The following ZNF804B variants were observed in gnomAD, a reference collection of about 807,000 sequenced individuals.
ZNF804B encodes the protein zinc finger 804B.
ZNF804B carries 80 observed loss-of-function variants against 101.4 expected under a neutral mutation model. The observed-to-expected ratio is 0.79, with a 90% CI of 0.66 to 0.95. The LOEUF (loss-of-function observed/expected upper bound fraction) is 0.95. ZNF804B is among the 40% of genes least tolerant of loss of function. The pLI is 0.00. For missense variants in ZNF804B, 1,673 were observed against 1,561.9 expected, an observed-to-expected ratio of 1.07 and a Z score of -1.20; for synonymous variants, 622 against 558.8, an observed-to-expected ratio of 1.11 and a Z score of -1.59.
Position 88,888,562 on chromosome 7 carries a change from C to T in ZNF804B, c.108+128478C>T, listed in dbSNP as rs573306142. ...ATGCCAGAAACTGTAGAGCAATTAA[C>T]ACACCTGAAACATTTTATCACAAGT... On this transcript the variant is annotated intron_variant, in intron 1 of 3. Coordinates refer to ENST00000333190, the MANE Select transcript of ZNF804B (RefSeq NM_181646.5). Among the ~76,000 whole-genome samples the T allele has an allele frequency of 4.6e-5, 7 of 152,006 alleles. No homozygotes were observed. In the East Asian group the frequency reaches 1.4e-3, roughly 29 times the overall value.
intron 2 of ZNF804B, among the ~76,000 whole-genome samples, chr7:89,239,724 G>T (rs944933506): frequency 1.3e-5 from 2 of 151,828 alleles, no homozygotes; most frequent in Admixed American, 6.6e-5. Context: ...TACATTGAGT[G>T]GGGAATAGAA....
intron 2 of ZNF804B, among the ~76,000 whole-genome samples, chr7:89,317,686 G>A (rs1790753179): frequency 6.6e-6 from 1 of 152,188 alleles, no homozygotes; most frequent in South Asian, 2.1e-4. Context: ...TTAGAAAGCT[G>A]CTGAAGAGGT....
chr7:89,269,796 G>C (rs1319371729), intron 2 of ZNF804B, among the ~76,000 whole-genome samples: 1 of 152,148 alleles, frequency 6.6e-6, no homozygotes, highest in Non-Finnish European at 1.5e-5. Flanking sequence ...GTTTTGATTT[G>C]CATTTCTCTG....
intron 1 of ZNF804B, among the ~76,000 whole-genome samples, chr7:88,897,556 T>C (rs1792308997): frequency 6.6e-6 from 1 of 152,126 alleles, no homozygotes; most frequent in Non-Finnish European, 1.5e-5. Context: ...TACCCTACAA[T>C]AGGAAACTAA....
intron 1 of ZNF804B, among the ~76,000 whole-genome samples, chr7:89,216,701 T>C (rs1788902242): frequency 6.6e-6 from 1 of 152,206 alleles, no homozygotes; most frequent in Non-Finnish European, 1.5e-5. Flanking sequence ...ATCATTATGT[T>C]ACACACGTCT....
chr7:89,057,393 A>C (rs1415283848), intron 1 of ZNF804B, among the ~76,000 whole-genome samples: 1 of 152,106 alleles, frequency 6.6e-6, no homozygotes, highest in Non-Finnish European at 1.5e-5. Flanking sequence ...TTTCAAGACT[A>C]AAGAGATAGG....
intron 2 of ZNF804B, among the ~76,000 whole-genome samples, chr7:89,307,864 A>C (rs1404039227): frequency 6.6e-6 from 1 of 152,076 alleles, no homozygotes; most frequent in East Asian, 1.9e-4. Flanking sequence ...TCAAGAGTTG[A>C]TTTAAAGGAA....
intron 1 of ZNF804B, among the ~76,000 whole-genome samples, chr7:88,995,821 T>C (rs1230563506): frequency 1.3e-5 from 2 of 152,042 alleles, no homozygotes; most frequent in East Asian, 3.9e-4. Context: ...GTTATGTTGT[T>C]ATGAGAATTT....
rs540507156 is a variant in ZNF804B, at chr7:88,994,800, CAT to C, written c.109-223354_109-223353del. On this transcript the variant is annotated intron_variant, in intron 1 of 3. Transcript: ENST00000333190. Reference sequence around the variant, plus strand: ...ACATTTATTTATTTTTTATCTTATTCATTAATCTAATTGGGTCATGTATGAGA... The same window carrying C: ...ACATTTATTTATTTTTTATCTTATTCTAATCTAATTGGGTCATGTATGAGA... Among the ~76,000 whole-genome samples, 1,022 of 151,986 alleles carry C rather than the reference CAT, an allele frequency of 6.7e-3. 6 individuals are homozygous for C. The highest frequency in any genetic ancestry group is 0.012 in the Non-Finnish European group (808 of 67,938).
At chr7:88,826,281 A>C (rs1270108923) in intron 1 of ZNF804B, among the ~76,000 whole-genome samples, 5 of 152,310 alleles carry the variant, frequency 3.3e-5, no homozygotes, top group African/African-American at 1.2e-4. Context: ...TTTAACTCAC[A>C]TAATATATCC....
intron 1 of ZNF804B, among the ~76,000 whole-genome samples, chr7:89,093,536 G>A (rs1335225813): frequency 6.6e-6 from 1 of 152,228 alleles, no homozygotes; most frequent in Non-Finnish European, 1.5e-5. Flanking sequence ...AAAGTTTCAT[G>A]AATTGACCAC....
intron 1 of ZNF804B, among the ~76,000 whole-genome samples, chr7:88,830,824 G>A (rs1363607604): frequency 6.6e-6 from 1 of 151,780 alleles, no homozygotes; most frequent in Non-Finnish European, 1.5e-5. Flanking sequence ...TGGTGAATGA[G>A]TTAAATATCT....
rs73395323 is a variant in ZNF804B at position 88,904,597 on chromosome 7, T to G, written c.108+144513T>G. Among the ~76,000 whole-genome samples, 373 of 152,298 alleles carry G rather than the reference T, an allele frequency of 2.4e-3. 2 individuals are homozygous for G. Among genetic ancestry groups the G allele is most frequent in the African/African-American group, 8.9e-3 (369 of 41,570 alleles). ...CCAATCCATGAGCATGGAATATTTT[T>G]TATTTATTTGTGTCATCTCTGATTT... On this transcript the variant is annotated intron_variant, in intron 1 of 3. Transcript: ENST00000333190.
chr7:89,265,071 A>G (rs1429976279), intron 2 of ZNF804B, among the ~76,000 whole-genome samples: 2 of 152,180 alleles, frequency 1.3e-5, no homozygotes, highest in East Asian at 3.9e-4. Flanking sequence ...TTTTATCTCA[A>G]TCACCATGTG....
chr7:89,291,008 T>G (rs2115896506), intron 2 of ZNF804B, among the ~76,000 whole-genome samples: 1 of 152,284 alleles, frequency 6.6e-6, no homozygotes, highest in Admixed American at 6.5e-5. Context: ...CAGAGAATTT[T>G]TCTAGATTTT....
chr7:88,966,118 G>T (rs182172350), intron 1 of ZNF804B, among the ~76,000 whole-genome samples: 1 of 151,422 alleles, frequency 6.6e-6, no homozygotes, highest in African/African-American at 2.4e-5. Context: ...CCATGCAGTA[G>T]CCCACATCTT....
At chr7:88,958,700 T>G (rs1350139128) in intron 1 of ZNF804B, among the ~76,000 whole-genome samples, 1 of 151,436 alleles carries the variant, frequency 6.6e-6, no homozygotes. Context: ...GACTTTCAGA[T>G]TTAATGTCAC....
chr7:88,880,383 C>T (rs983080264), intron 1 of ZNF804B, among the ~76,000 whole-genome samples: 13 of 152,076 alleles, frequency 8.5e-5, no homozygotes, highest in African/African-American at 3.1e-4. Context: ...AAACAGATTA[C>T]AGTAGAAATA....
intron 1 of ZNF804B, among the ~76,000 whole-genome samples, chr7:88,832,977 C>T (rs1791155492): frequency 6.6e-6 from 1 of 151,946 alleles, no homozygotes; most frequent in South Asian, 2.1e-4. Flanking sequence ...TTTGAAAATA[C>T]ATCAGTGTCA....
Sources: allele counts gnomAD v4.1 joint callset (sites outside exome capture counted in the v4.1 genomes callset), GRCh38; gene constraint gnomAD v4.1.1; transcripts MANE v1.5; gene names NCBI Gene and HGNC (gene_info 2026-07-23, HGNC 2026-07-21).